Variants in CCDC170 observed in about 807,000 individuals in gnomAD.
CCDC170 encodes the protein coiled-coil domain-containing protein 170.
Under a neutral mutation model 72.6 loss-of-function variants are expected in CCDC170, and 69 were observed. The observed-to-expected ratio is 0.95, with a 90% CI of 0.78 to 1.16. The LOEUF is 1.16. CCDC170 is among the 50% of genes most tolerant of loss of function. CCDC170 has a pLI of 0.00. For synonymous variants in CCDC170, 300 were observed against 303.9 expected, an observed-to-expected ratio of 0.99 and a Z score of 0.13; for missense variants, 852 against 832.5, an observed-to-expected ratio of 1.02 and a Z score of -0.29.
chr6:151,607,513 T>C (rs1427230972), intron 9 of CCDC170, among the ~76,000 whole-genome samples: 1 of 152,202 alleles, frequency 6.6e-6, no homozygotes, highest in Non-Finnish European at 1.5e-5. Context: ...ATCTTTTTGC[T>C]TCTAGATGTA....
chr6:151,609,804 G>A (rs892547913), intron 9 of CCDC170, among the ~76,000 whole-genome samples: 10 of 152,112 alleles, frequency 6.6e-5, no homozygotes, highest in South Asian at 2.1e-4. Flanking sequence ...GGCTTGGCTC[G>A]GAGCTCCATT....
intron 1 of CCDC170, among the ~76,000 whole-genome samples, chr6:151,494,770 C>T (rs1303546333): frequency 6.6e-6 from 1 of 152,186 alleles, no homozygotes; most frequent in Non-Finnish European, 1.5e-5. Context: ...CACAGACGCT[C>T]GTGCACACAC....
chr6:151,510,333 G>A (rs551430353), intron 1 of CCDC170, among the ~76,000 whole-genome samples: 4 of 152,202 alleles, frequency 2.6e-5, no homozygotes, highest in African/African-American at 9.6e-5. Context: ...AAGAGCTTCC[G>A]AGAAAAATTT....
At chr6:151,600,107 C>T (rs1279827131) in intron 9 of CCDC170, among the ~76,000 whole-genome samples, 2 of 152,126 alleles carry the variant, frequency 1.3e-5, no homozygotes, top group African/African-American at 4.8e-5. Context: ...AACTTGTTAA[C>T]ACAGTAAGTG....
chr6:151,602,798 CT>C (rs1776729647), intron 9 of CCDC170, among the ~76,000 whole-genome samples: 1 of 149,522 alleles, frequency 6.7e-6, no homozygotes, highest in Admixed American at 6.6e-5. Context: ...TCAGATATTT[CT>C]TTCTTTTTTT....
Position 151,617,950 on chromosome 6 carries a change from G to A in CCDC170, c.1951G>A (p.Ala651Thr). The A allele has an allele frequency of 6.2e-7, 1 of 1,611,540 alleles. No homozygotes were observed. The highest frequency in any genetic ancestry group is 8.5e-7 in the Non-Finnish European group (1 of 1,178,120). Reference sequence around the variant, plus strand: ...GAGTTTCTGTTTGATATTGCAGCTGGCAGACTTCAGGGAGGTGGTGTCGCA... The same window carrying A: ...GAGTTTCTGTTTGATATTGCAGCTGACAGACTTCAGGGAGGTGGTGTCGCA... ...EEAEKREKQL[A>T]DFREVVSQML... The change falls in exon 11 of 11, where the codon GCA becomes ACA. Residue 651 changes from alanine (A) to threonine (T), a missense_variant. Physicochemically the swap from Ala to Thr is moderately conservative, Grantham distance 58. Coordinates refer to ENST00000239374, the MANE Select transcript of CCDC170 (RefSeq NM_025059.4).
At chr6:151,584,674 C>G (rs959033381) in intron 6 of CCDC170, among the ~76,000 whole-genome samples, 1 of 152,118 alleles carries the variant, frequency 6.6e-6, no homozygotes, top group South Asian at 2.1e-4. Context: ...ATTATAGGAA[C>G]TGGGGAAAAC....
intron 4 of CCDC170, among the ~76,000 whole-genome samples, chr6:151,547,934 G>T (rs1171847237): frequency 6.6e-6 from 1 of 152,214 alleles, no homozygotes; most frequent in Non-Finnish European, 1.5e-5. Context: ...GTGCCACATG[G>T]TGACTTGACT....
intron 5 of CCDC170, among the ~76,000 whole-genome samples, chr6:151,559,979 T>C (rs1226555273): frequency 6.6e-6 from 1 of 152,168 alleles, no homozygotes; most frequent in African/African-American, 2.4e-5. Flanking sequence ...ATTTCTTCTA[T>C]TGGCCTTGGG....
At position 151,537,007 on chromosome 6, in the gene CCDC170, G is replaced by A. The variant is rs1243013721; in HGVS notation, c.186+561G>A. On this transcript the variant is annotated intron_variant, in intron 2 of 10. Transcript: ENST00000239374. ...CTATACAGCCTTGAGAGATCTGGGG[G>A]CGCCTGAAGATGTTAAGTAAAGCTC... is the stretch of plus-strand genomic sequence containing the variant. 2.6e-5 allele frequency among the ~76,000 whole-genome samples: 4 copies of A among 152,090 alleles called. No homozygotes were observed. In the East Asian group the frequency reaches 5.8e-4, roughly 22 times the overall value.
chr6:151,523,512 C>T (rs967380060), intron 1 of CCDC170, among the ~76,000 whole-genome samples: 2 of 151,708 alleles, frequency 1.3e-5, no homozygotes, highest in Non-Finnish European at 2.9e-5. Flanking sequence ...ATGGTGAAAC[C>T]CCGTCTCTAC....
At chr6:151,569,401 T>G (rs1776185803) in intron 5 of CCDC170, among the ~76,000 whole-genome samples, 1 of 152,276 alleles carries the variant, frequency 6.6e-6, no homozygotes, top group Admixed American at 6.5e-5. Context: ...AAAGTAATTT[T>G]GAAAGAATCA....
chr6:151,514,225 T>G (rs867540247), intron 1 of CCDC170, among the ~76,000 whole-genome samples: 1 of 150,836 alleles, frequency 6.6e-6, no homozygotes, highest in African/African-American at 2.4e-5. Flanking sequence ...AACTTGAGAC[T>G]GGGAGGTCAA....
At chr6:151,603,192 C>T (rs572191551) in intron 9 of CCDC170, among the ~76,000 whole-genome samples, 176 of 152,228 alleles carry the variant, frequency 1.2e-3, no homozygotes, top group African/African-American at 3.8e-3. Flanking sequence ...GCTCATGATG[C>T]AAGTTCTTTT....
At chr6:151,494,209 G>A in intron 1 of CCDC170, 24 bp downstream of exon 1, 1 of 1,494,604 alleles carries the variant, frequency 6.7e-7, no homozygotes, top group South Asian at 1.3e-5. Context: ...CGCCGGCCGC[G>A]CGCGGGGGTG....
chr6:151,601,293 T>A (rs1042582703), intron 9 of CCDC170, among the ~76,000 whole-genome samples: 2 of 152,188 alleles, frequency 1.3e-5, no homozygotes, highest in African/African-American at 2.4e-5. Flanking sequence ...TATCTCCAAC[T>A]GGGTCCCTCT....
intron 9 of CCDC170, among the ~76,000 whole-genome samples, chr6:151,598,646 T>C (rs372588543): frequency 6.6e-6 from 1 of 152,186 alleles, no homozygotes; most frequent in East Asian, 1.9e-4. Flanking sequence ...TCACTTTTTC[T>C]AAAATCACAA....
chr6:151,541,884 A>AT (rs771626945), intron 3 of CCDC170, among the ~76,000 whole-genome samples: 382 of 32,048 alleles, frequency 0.012, 2 homozygotes, highest in Admixed American at 0.019. Context: ...ATATATATAT[A>AT]TATTTTTTTT....
chr6:151,593,386 G>C (rs760429395), intron 8 of CCDC170, 106 bp downstream of exon 8: 3 of 1,192,136 alleles, frequency 2.5e-6, no homozygotes, highest in East Asian at 2.5e-5. Context: ...AGCTAGGAAG[G>C]CTCTTATAAA....
Sources: gnomAD v4.1 joint callset for allele counts (sites outside exome capture counted in the v4.1 genomes callset) on GRCh38, gnomAD v4.1.1 for gene constraint, MANE v1.5 for transcripts, NCBI Gene and HGNC (gene_info 2026-07-23, HGNC 2026-07-21) for gene names.